The following TADA2A variants were observed in gnomAD, a reference collection of about 807,000 sequenced individuals.
TADA2A encodes transcriptional adaptor 2A, also known as transcriptional adapter 2-alpha.
In TADA2A, 38 loss-of-function variants were observed where a neutral mutation model predicts 67.4. That is an observed-to-expected ratio of 0.56 (90% CI 0.44 to 0.74). TADA2A has a LOEUF of 0.74. Among genes scored for constraint, TADA2A ranks in the 30% least tolerant of loss-of-function variants. The probability of loss-of-function intolerance (pLI) is 0.00; values close to 1 mark genes in which losing one functional copy is unlikely to be tolerated. For synonymous variants in TADA2A, 192 were observed against 181.6 expected (o/e 1.06, Z -0.46); for missense variants, 454 against 547.0 (o/e 0.83, Z 1.70).
intron 7 of TADA2A, among the ~76,000 whole-genome samples, chr17:37,444,095 C>A (rs537685294): frequency 6.6e-5 from 10 of 151,712 alleles, no homozygotes; most frequent in African/African-American, 2.4e-4. Context: ...ACAAAAAAAA[C>A]CCGAAACCAA....
At chr17:37,449,243 G>A (rs1462925867) in intron 8 of TADA2A, among the ~76,000 whole-genome samples, 1 of 151,978 alleles carries the variant, frequency 6.6e-6, no homozygotes, top group Non-Finnish European at 1.5e-5. Flanking sequence ...GGATAGTCTC[G>A]ATCTCCTGAC....
At chr17:37,451,456 C>T (rs1464417064) in intron 8 of TADA2A, among the ~76,000 whole-genome samples, 1 of 151,434 alleles carries the variant, frequency 6.6e-6, no homozygotes, top group Non-Finnish European at 1.5e-5. Context: ...GTAGCTGGGA[C>T]TACAGGCACA....
intron 10 of TADA2A, 125 bp downstream of exon 10, chr17:37,462,246 A>G: frequency 1.6e-6 from 1 of 619,602 alleles, no homozygotes; most frequent in East Asian, 3.1e-5. Context: ...CTCCAGACTA[A>G]TGAAGTAAGA....
intron 6 of TADA2A, 151 bp downstream of exon 6, chr17:37,440,813 G>T: frequency 9.7e-7 from 1 of 1,035,286 alleles, no homozygotes; most frequent in Non-Finnish European, 1.4e-6. Flanking sequence ...AGTCAGGATC[G>T]ACCCAGCATG....
intron 4 of TADA2A, among the ~76,000 whole-genome samples, chr17:37,428,456 C>G (rs2052472412): frequency 6.6e-6 from 1 of 152,194 alleles, no homozygotes; most frequent in South Asian, 2.1e-4. Context: ...TCTGGGCCCC[C>G]TTTCTCCATC....
chr17:37,438,501 T>G (rs1411950904), intron 5 of TADA2A, among the ~76,000 whole-genome samples: 3 of 152,210 alleles, frequency 2.0e-5, no homozygotes, highest in Non-Finnish European at 4.4e-5. Flanking sequence ...TGTGATTACA[T>G]AGCTTATTAC....
chr17:37,453,016 C>T (rs2053275226), intron 8 of TADA2A, among the ~76,000 whole-genome samples: 1 of 152,164 alleles, frequency 6.6e-6, no homozygotes, highest in Admixed American at 6.5e-5. Context: ...TTATTTTTAT[C>T]TCAGACCCAA....
At position 37,421,905 on chromosome 17, in the gene TADA2A, GTC is replaced by G. The variant is rs1304144205; in HGVS notation, c.26-1596_26-1595del. Among the ~76,000 whole-genome samples, 5 of 145,538 alleles carry G rather than the reference GTC, an allele frequency of 3.4e-5. 1 individual carries two copies. The highest frequency in any genetic ancestry group is 1.2e-4 in the African/African-American group (5 of 40,158). On this transcript the variant is annotated intron_variant, in intron 2 of 15. Transcript: ENST00000615182. ...TTTTTTATTTTTTTTTGGAGACGGA[GTC>G]TCTCTCTGTTGCCCAGACTGGAGTG... is the stretch of plus-strand genomic sequence containing the variant.
At chr17:37,455,644 G>A (rs1401625775) in intron 8 of TADA2A, among the ~76,000 whole-genome samples, 1 of 152,142 alleles carries the variant, frequency 6.6e-6, no homozygotes, top group African/African-American at 2.4e-5. Context: ...GCCTCCCAAA[G>A]TGCTGGGATC....
At chr17:37,434,570 TTAG>T (rs1403444635) in intron 4 of TADA2A, among the ~76,000 whole-genome samples, 4 of 152,246 alleles carry the variant, frequency 2.6e-5, no homozygotes, top group African/African-American at 9.6e-5. Flanking sequence ...TTCCTATAAA[TTAG>T]TAGTTACATT....
At chr17:37,476,714 TA>T (rs1228013604) in intron 15 of TADA2A, 82 bp from the exon 16 acceptor site, 4 of 1,491,852 alleles carry the variant, frequency 2.7e-6, no homozygotes, top group Non-Finnish European at 3.6e-6. Context: ...GATGTCACTT[TA>T]AAAAATTTTT....
intron 8 of TADA2A, among the ~76,000 whole-genome samples, chr17:37,448,820 A>G (rs1026449343): frequency 2.0e-5 from 3 of 152,190 alleles, no homozygotes; most frequent in Non-Finnish European, 4.4e-5. Context: ...TCTGTTCTGG[A>G]AAGGTAATTT....
chr17:37,437,630 G>A (rs1016905362), intron 4 of TADA2A, 108 bp from the exon 5 acceptor site: 57 of 900,764 alleles, frequency 6.3e-5, no homozygotes, highest in Middle Eastern at 5.1e-4. Context: ...CAGGTGATCC[G>A]CCCGCCTCCG....
In TADA2A at chr17:37,442,637, A is replaced by T. The variant is rs1472551760; in HGVS notation, c.516A>T (p.Arg172=). ...ACATGGCCGGGTACATGCCAGCTCG[A>T]GCAGATTTCATTGAGGTAGGATAAA... ...SRDMAGYMPA[R]ADFIEEFDNY... The change falls in exon 7 of 16, where the codon CGA becomes CGT. Residue 172 remains arginine, a synonymous_variant. Coordinates refer to ENST00000615182, the MANE Select transcript of TADA2A (RefSeq NM_001166105.3). The T allele has an allele frequency of 3.1e-6, 5 of 1,613,898 alleles. No individual in the cohort carries two copies. Among genetic ancestry groups the T allele is most frequent in the Non-Finnish European group, 4.2e-6 (5 of 1,179,964 alleles).
At chr17:37,444,850 A>G (rs2053029577) in intron 8 of TADA2A, 82 bp downstream of exon 8, 1 of 1,242,138 alleles carries the variant, frequency 8.1e-7, no homozygotes, top group Non-Finnish European at 1.2e-6. Flanking sequence ...TGAAGGATGA[A>G]TAGAACATGT....
In TADA2A at chr17:37,428,293, C is replaced by T. The variant is rs1434636551; in HGVS notation, c.192+1284C>T. Among the ~76,000 whole-genome samples the T allele has an allele frequency of 2.0e-5, 3 of 152,174 alleles. No homozygotes were observed. In the East Asian group the frequency reaches 5.8e-4, roughly 29 times the overall value. ...AGGCTGAAATGAAGATGTTGGCCAG[C>T]CTGGGCTCTCACCTGGAGGCCCTGG... is the stretch of plus-strand genomic sequence containing the variant. On this transcript the variant is annotated intron_variant, in intron 4 of 15. Coordinates refer to ENST00000615182, the MANE Select transcript of TADA2A (RefSeq NM_001166105.3).
At chr17:37,424,358 CTT>C (rs1222178749) in intron 3 of TADA2A, among the ~76,000 whole-genome samples, 7 of 142,528 alleles carry the variant, frequency 4.9e-5, no homozygotes, top group Admixed American at 1.4e-4. Context: ...GCAGGAGAAT[CTT>C]TTTTTTTTTT....
At position 37,471,213 on chromosome 17, in the gene TADA2A, TC is replaced by T. The variant is rs1472083881; in HGVS notation, c.1072+78del. The T allele has an allele frequency of 2.0e-6, 3 of 1,471,038 alleles. No individual in the cohort carries two copies. The African/African-American group carries it at 4.2e-5, about 20-fold the overall frequency. The allele number at this position is 1,471,038 out of a possible 1,614,324, so 91.1% of individuals were successfully genotyped here. ...AGGGGTTATAGTGACCCAGCAATCT[TC>T]CTTCCTCTGTGGTGTCAGGGTGCTT... is the stretch of plus-strand genomic sequence containing the variant. On this transcript the variant is annotated intron_variant, in intron 14 of 15. Transcript: ENST00000615182.
rs375523826 is a variant in TADA2A, at chr17:37,463,977, GA to G, written c.713-1443del. On this transcript the variant is annotated intron_variant, in intron 10 of 15. Coordinates refer to ENST00000615182, the MANE Select transcript of TADA2A (RefSeq NM_001166105.3). Reference sequence around the variant, plus strand: ...CAAAAAAAATAAAAAGGTAAGCTAGGAAAAAAAAAAATAGCTGTCATAAATG... The same window carrying G: ...CAAAAAAAATAAAAAGGTAAGCTAGGAAAAAAAAAATAGCTGTCATAAATG... Among the ~76,000 whole-genome samples, 722 of 145,812 alleles carry G rather than the reference GA, an allele frequency of 5.0e-3. 6 individuals are homozygous for G. Among genetic ancestry groups the G allele is most frequent in the African/African-American group, 0.017 (670 of 40,084 alleles).
Sources: gnomAD v4.1 joint callset for allele counts (sites outside exome capture counted in the v4.1 genomes callset) on GRCh38, gnomAD v4.1.1 for gene constraint, MANE v1.5 for transcripts, NCBI Gene and HGNC (gene_info 2026-07-23, HGNC 2026-07-21) for gene names.